The following CHRNA7 variants were observed in gnomAD, a reference collection of about 807,000 sequenced individuals.
CHRNA7 encodes the protein neuronal acetylcholine receptor subunit alpha-7.
CHRNA7 carries 17 observed loss-of-function variants against 48.0 expected under a neutral mutation model. The ratio of observed to expected loss-of-function variants is 0.35; its 90% confidence interval spans 0.24 to 0.53. The LOEUF is 0.53. CHRNA7 is among the 20% of genes least tolerant of loss of function. The probability of loss-of-function intolerance (pLI) is 0.92; values close to 1 mark genes in which losing one functional copy is unlikely to be tolerated. For missense variants in CHRNA7, 155 were observed against 577.7 expected (o/e 0.27, Z 7.50); for synonymous variants, 75 against 242.3 (o/e 0.31, Z 6.41).
chr15:32,048,813 A>G (rs1209856301), intron 2 of CHRNA7, among the ~76,000 whole-genome samples: 1 of 151,872 alleles, frequency 6.6e-6, no homozygotes, highest in Non-Finnish European at 1.5e-5. Flanking sequence ...ATTTAGTGCT[A>G]TAAATTTCCC....
chr15:32,070,613 A>G (rs2050038994), intron 2 of CHRNA7, among the ~76,000 whole-genome samples: 1 of 147,936 alleles, frequency 6.8e-6, no homozygotes, highest in Admixed American at 6.8e-5. Flanking sequence ...TTCACATTTA[A>G]GTCTGCAATC....
intron 4 of CHRNA7, among the ~76,000 whole-genome samples, chr15:32,137,013 CAG>C (rs1341599555): frequency 9.4e-6 from 1 of 106,760 alleles, no homozygotes; most frequent in Non-Finnish European, 1.7e-5. Flanking sequence ...GCCTGGGCGA[CAG>C]AGCGAGACTC....
intron 2 of CHRNA7, among the ~76,000 whole-genome samples, chr15:32,095,246 T>C (rs1400729925): frequency 6.6e-6 from 1 of 152,198 alleles, no homozygotes; most frequent in Non-Finnish European, 1.5e-5. Context: ...AGGACCAGGA[T>C]GGTCCTAGAA....
At chr15:32,049,065 G>A (rs545857638) in intron 2 of CHRNA7, among the ~76,000 whole-genome samples, 17 of 146,910 alleles carry the variant, frequency 1.2e-4, no homozygotes, top group South Asian at 6.4e-4. Context: ...TTTACTTCCA[G>A]GTATGTGGTC....
chr15:32,101,938 T>G (rs1344653427), intron 3 of CHRNA7: 1 of 152,212 alleles, frequency 6.6e-6, no homozygotes, highest in Non-Finnish European at 1.5e-5. Context: ...CTATTTTAAA[T>G]GGAATTCAAA....
At chr15:32,047,682 GCT>G (rs2049578379) in intron 2 of CHRNA7, among the ~76,000 whole-genome samples, 3 of 152,060 alleles carry the variant, frequency 2.0e-5, no homozygotes, top group Non-Finnish European at 4.4e-5. Context: ...CTGCCTGATT[GCT>G]CCGGCCAGAA....
intron 2 of CHRNA7, among the ~76,000 whole-genome samples, chr15:32,044,341 G>A (rs746472167): frequency 6.6e-6 from 1 of 150,784 alleles, no homozygotes; most frequent in Admixed American, 6.6e-5. Context: ...GCAATGGCAC[G>A]ATCTTGGCTC....
intron 2 of CHRNA7, among the ~76,000 whole-genome samples, chr15:32,051,629 C>T (rs980017164): frequency 1.3e-5 from 2 of 152,166 alleles, no homozygotes; most frequent in Non-Finnish European, 2.9e-5. Flanking sequence ...CGCCCTGCTT[C>T]GGCTGGTGCA....
intron 2 of CHRNA7, among the ~76,000 whole-genome samples, chr15:32,074,390 C>CA (rs1248062273): frequency 6.8e-6 from 1 of 146,070 alleles, no homozygotes; most frequent in Non-Finnish European, 1.5e-5. Flanking sequence ...TTAGCCAGTG[C>CA]AATAAGTTCA....
At chr15:32,044,003 G>A (rs62002891) in intron 2 of CHRNA7, among the ~76,000 whole-genome samples, 10,964 of 152,216 alleles carry the variant, frequency 0.072, 505 homozygotes, top group Non-Finnish European at 0.11. Flanking sequence ...GATTACCCTA[G>A]TGTTTTCTGA....
chr15:32,150,141 T>G (rs1411500994), intron 4 of CHRNA7, among the ~76,000 whole-genome samples: 1 of 152,164 alleles, frequency 6.6e-6, no homozygotes, highest in Non-Finnish European at 1.5e-5. Flanking sequence ...AGCCTCAAAC[T>G]CCTGGGCTCA....
chr15:32,126,229 C>T (rs2051064187), intron 4 of CHRNA7, among the ~76,000 whole-genome samples: 1 of 152,152 alleles, frequency 6.6e-6, no homozygotes, highest in Non-Finnish European at 1.5e-5. Flanking sequence ...AGTATGGATT[C>T]TACTTTATTG....
At chr15:32,079,310 G>T (rs910798147) in intron 2 of CHRNA7, among the ~76,000 whole-genome samples, 2 of 152,126 alleles carry the variant, frequency 1.3e-5, no homozygotes, top group African/African-American at 4.8e-5. Context: ...AGGGAAATCA[G>T]GCAAGAGAAA....
intron 6 of CHRNA7, 119 bp from the exon 7 acceptor site, chr15:32,158,289 CTTTT>C: frequency 1.3e-4 from 68 of 521,972 alleles, no homozygotes; most frequent in East Asian, 6.4e-4. Flanking sequence ...CAACCCCCCC[CTTTT>C]TTTTTTTTAG....
At chr15:32,122,878 C>A (rs2050997061) in intron 4 of CHRNA7, among the ~76,000 whole-genome samples, 1 of 131,184 alleles carries the variant, frequency 7.6e-6, no homozygotes. Context: ...CCCTTATAAG[C>A]TCTCAAAGCA....
At chr15:32,032,366 G>T (rs1055689499) in intron 2 of CHRNA7, among the ~76,000 whole-genome samples, 1 of 152,060 alleles carries the variant, frequency 6.6e-6, no homozygotes, top group Non-Finnish European at 1.5e-5. Context: ...ATCTTCGGTG[G>T]GTTCTGTCTG....
chr15:32,036,004 A>G (rs1216430280), intron 2 of CHRNA7, among the ~76,000 whole-genome samples: 2 of 152,194 alleles, frequency 1.3e-5, no homozygotes, highest in Non-Finnish European at 2.9e-5. Flanking sequence ...CAAATGTATA[A>G]TGGCATAATG....
intron 2 of CHRNA7, among the ~76,000 whole-genome samples, chr15:32,081,680 A>G (rs549030606): frequency 7.9e-5 from 12 of 152,170 alleles, no homozygotes; most frequent in African/African-American, 2.6e-4. Flanking sequence ...TACCTTTACT[A>G]TTTTCTCCAC....
chr15:32,111,012 A>G (rs2050754037), intron 3 of CHRNA7, among the ~76,000 whole-genome samples: 2 of 152,058 alleles, frequency 1.3e-5, no homozygotes, highest in South Asian at 4.2e-4. Context: ...GGTGCTGGTT[A>G]TGTGGCAGCT....
Sources: gnomAD v4.1 joint callset for allele counts (sites outside exome capture counted in the v4.1 genomes callset) on GRCh38, gnomAD v4.1.1 for gene constraint, MANE v1.5 for transcripts, NCBI Gene and HGNC (gene_info 2026-07-23, HGNC 2026-07-21) for gene names.